The following OR56A3 variants were observed in gnomAD, a reference collection of about 807,000 sequenced individuals.
OR56A3 encodes the protein olfactory receptor 56A3.
In OR56A3, 23 loss-of-function variants were observed where a neutral mutation model predicts 17.5. The ratio of observed to expected loss-of-function variants is 1.32; its 90% confidence interval spans 0.95 to 1.87. The LOEUF (loss-of-function observed/expected upper bound fraction) is 1.87. Ranked by LOEUF, OR56A3 falls within the 40% of genes most tolerant of loss-of-function variation. OR56A3 has a pLI of 0.00. For missense variants in OR56A3, 366 were observed against 380.1 expected (o/e 0.96, Z 0.31); for synonymous variants, 175 against 150.6 (o/e 1.16, Z -1.19).
At chr11:5,958,225 A>G in the OR56A3 span, among the ~76,000 whole-genome samples, 1 of 152,154 alleles carries the variant, frequency 6.6e-6, no homozygotes, top group African/African-American at 2.4e-5. Flanking sequence ...CTATAAGCCA[A>G]CTGTCAACAT....
chr11:5,986,312 A>C, the OR56A3 span: 1 of 1,614,036 alleles, frequency 6.2e-7, no homozygotes, highest in Non-Finnish European at 8.5e-7. Context: ...GTTTCTGAGC[A>C]GGCAAGTTTC....
the OR56A3 span, chr11:5,986,799 C>G: frequency 6.2e-7 from 1 of 1,614,000 alleles, no homozygotes; most frequent in African/African-American, 1.3e-5. Context: ...GCAGTGCAAT[C>G]CAGTGCTGGC....
chr11:5,955,870 A>T (rs541805484), downstream of OR56A3, among the ~76,000 whole-genome samples: 1 of 152,220 alleles, frequency 6.6e-6, no homozygotes, highest in African/African-American at 2.4e-5. Flanking sequence ...ATTATTTGCC[A>T]TATAGCCTCC....
chr11:6,002,210 C>A, the OR56A3 span: 2 of 1,614,074 alleles, frequency 1.2e-6, no homozygotes, highest in South Asian at 1.1e-5. Flanking sequence ...TAGTGATGAC[C>A]AGAACCAGCA....
At chr11:5,989,052 C>T in the OR56A3 span, among the ~76,000 whole-genome samples, 1 of 152,180 alleles carries the variant, frequency 6.6e-6, no homozygotes, top group East Asian at 1.9e-4. Context: ...AATATGATAG[C>T]TATAAAGTCT....
At chr11:5,983,741 T>C in the OR56A3 span, among the ~76,000 whole-genome samples, 1 of 152,246 alleles carries the variant, frequency 6.6e-6, no homozygotes, top group Non-Finnish European at 1.5e-5. Flanking sequence ...GAAGGGTCAC[T>C]AATACAATTG....
At chr11:5,956,914 T>A in the OR56A3 span, among the ~76,000 whole-genome samples, 3 of 152,264 alleles carry the variant, frequency 2.0e-5, no homozygotes, top group African/African-American at 7.2e-5. Flanking sequence ...CCCAGCACTT[T>A]GGGAGGCCGA....
chr11:6,002,300 G>A, the OR56A3 span: 1 of 1,614,204 alleles, frequency 6.2e-7, no homozygotes, highest in Non-Finnish European at 8.5e-7. Flanking sequence ...CCTCGGCCTT[G>A]ATCCTAAGCA....
At chr11:5,988,930 A>G in the OR56A3 span, among the ~76,000 whole-genome samples, 2 of 152,258 alleles carry the variant, frequency 1.3e-5, no homozygotes, top group African/African-American at 4.8e-5. Flanking sequence ...ATGTGCGTGT[A>G]AAGATTAAAA....
At chr11:6,004,612 A>C in the OR56A3 span, among the ~76,000 whole-genome samples, 1 of 152,240 alleles carries the variant, frequency 6.6e-6, no homozygotes, top group African/African-American at 2.4e-5. Context: ...TACCCATTGT[A>C]GGGCCTTAAA....
At chr11:5,987,548 C>T in the OR56A3 span, among the ~76,000 whole-genome samples, 5 of 152,134 alleles carry the variant, frequency 3.3e-5, no homozygotes, top group African/African-American at 1.2e-4. Context: ...AATATCTATA[C>T]ACCACATCCT....
the OR56A3 span, among the ~76,000 whole-genome samples, chr11:5,966,516 A>G: frequency 1.3e-5 from 2 of 152,196 alleles, no homozygotes; most frequent in African/African-American, 4.8e-5. Context: ...CTAACCAAAA[A>G]GGGGCCTAGC....
At chr11:5,943,804 G>A (rs1047127900) in intron 1 of OR56A3, among the ~76,000 whole-genome samples, 1 of 152,186 alleles carries the variant, frequency 6.6e-6, no homozygotes, top group African/African-American at 2.4e-5. Context: ...TAAAAATTTT[G>A]CAGAAAGTAG....
At chr11:6,014,989 CAAAA>C in the OR56A3 span, among the ~76,000 whole-genome samples, 22 of 35,200 alleles carry the variant, frequency 6.3e-4, no homozygotes, top group East Asian at 7.1e-3. Flanking sequence ...TATTCATGGG[CAAAA>C]AAAAAAAAAA....
At chr11:5,966,218 A>C in the OR56A3 span, among the ~76,000 whole-genome samples, 1 of 151,266 alleles carries the variant, frequency 6.6e-6, no homozygotes, top group South Asian at 2.1e-4. Flanking sequence ...AAAAAAAAAA[A>C]AAAAAAAAAA....
the OR56A3 span, chr11:5,999,618 G>T: frequency 6.6e-6 from 1 of 152,128 alleles, no homozygotes; most frequent in African/African-American, 2.4e-5. Context: ...ATGGCTCTCT[G>T]TTAGGTACTA....
the OR56A3 span, among the ~76,000 whole-genome samples, chr11:5,985,284 G>T: frequency 6.6e-6 from 1 of 152,028 alleles, no homozygotes; most frequent in Non-Finnish European, 1.5e-5. Context: ...ATATAAATAA[G>T]TTGAAAATAC....
At chr11:5,968,248 T>G in the OR56A3 span, 8 of 1,613,830 alleles carry the variant, frequency 5.0e-6, no homozygotes, top group Non-Finnish European at 6.8e-6. Context: ...GCCAGGACCT[T>G]GGGGATGACG....
the OR56A3 span, among the ~76,000 whole-genome samples, chr11:5,988,333 C>G: frequency 6.6e-6 from 1 of 151,942 alleles, no homozygotes; most frequent in Admixed American, 6.6e-5. Flanking sequence ...AGAAACATAT[C>G]TTATTATACT....
Sources: allele counts gnomAD v4.1 joint callset (sites outside exome capture counted in the v4.1 genomes callset), GRCh38; gene constraint gnomAD v4.1.1; transcripts MANE v1.5; gene names NCBI Gene and HGNC (gene_info 2026-07-23, HGNC 2026-07-21).